Variants in ADARB2 observed in about 807,000 individuals in gnomAD.
ADARB2 encodes adenosine deaminase RNA specific B2 (inactive), also known as inactive double-stranded RNA-specific editase B2.
In ADARB2, 25 loss-of-function variants were observed where a neutral mutation model predicts 62.2. The ratio of observed to expected loss-of-function variants is 0.40; its 90% CI spans 0.29 to 0.56. ADARB2 has a LOEUF of 0.56. Ranked by LOEUF, ADARB2 falls within the 20% of genes least tolerant of loss-of-function variation. ADARB2 has a pLI of 0.43. For missense variants in ADARB2, 1,071 were observed against 1,077.4 expected (o/e 0.99, Z 0.08); for synonymous variants, 572 against 500.8 (o/e 1.14, Z -1.90).
chr10:1,541,123 C>T (rs1319572023), intron 1 of ADARB2, among the ~76,000 whole-genome samples: 3 of 87,790 alleles, frequency 3.4e-5, no homozygotes, highest in Non-Finnish European at 7.0e-5. Flanking sequence ...CCCACTCAGA[C>T]GCAGTTCAGA....
At chr10:1,206,840 T>C (rs1368987072) in intron 7 of ADARB2, among the ~76,000 whole-genome samples, 2 of 152,170 alleles carry the variant, frequency 1.3e-5, no homozygotes, top group African/African-American at 4.8e-5. Flanking sequence ...TTGCAGATGG[T>C]GCGCTTGTCA....
At chr10:1,403,538 A>G (rs1832682631) in intron 1 of ADARB2, among the ~76,000 whole-genome samples, 2 of 152,108 alleles carry the variant, frequency 1.3e-5, no homozygotes, top group South Asian at 4.1e-4. Flanking sequence ...GAATGAACCA[A>G]CTTAGGCAGC....
intron 3 of ADARB2, among the ~76,000 whole-genome samples, chr10:1,351,568 C>A (rs375872358): frequency 2.0e-5 from 3 of 152,138 alleles, no homozygotes; most frequent in African/African-American, 7.2e-5. Flanking sequence ...GCCGCCTTTT[C>A]CCCCAGTTCA....
intron 1 of ADARB2, among the ~76,000 whole-genome samples, chr10:1,599,068 A>G (rs1453603807): frequency 1.3e-5 from 2 of 152,250 alleles, no homozygotes; most frequent in Non-Finnish European, 2.9e-5. Flanking sequence ...GGAGGACTCA[A>G]AAGAAATCTT....
In ADARB2 at chr10:1,177,449, A is replaced by T. The variant is rs1836603294; in HGVS notation, c.*5744T>A. On this transcript the variant is annotated 3_prime_UTR_variant, in exon 10 of 10. Transcript: ENST00000381312. The stretch of plus-strand genomic sequence containing the variant: ...TAAGGTTTTGGATTTTTTTTTACAA[A>T]TATTACAAATGTACATCCATTGATA... The T allele has an allele frequency of 6.6e-6, 1 of 152,230 alleles. No homozygotes were observed. Among genetic ancestry groups the T allele is most frequent in the South Asian group, 2.1e-4 (1 of 4,838 alleles). The allele number at this position is 152,230 out of a possible 1,614,324, so 9.4% of individuals were successfully genotyped here.
intron 1 of ADARB2, among the ~76,000 whole-genome samples, chr10:1,621,249 C>A (rs181665889): frequency 7.2e-5 from 11 of 152,218 alleles, no homozygotes; most frequent in Non-Finnish European, 1.3e-4. Context: ...TATATTAGAA[C>A]TAGTAGGTAT....
At chr10:1,428,730 G>T (rs1181117739) in intron 1 of ADARB2, among the ~76,000 whole-genome samples, 3 of 152,138 alleles carry the variant, frequency 2.0e-5, no homozygotes, top group Non-Finnish European at 4.4e-5. Context: ...TGGGGACCTT[G>T]TGGTGACCGG....
intron 1 of ADARB2, among the ~76,000 whole-genome samples, chr10:1,462,532 T>A (rs541684651): frequency 7.2e-5 from 11 of 151,994 alleles, no homozygotes; most frequent in Admixed American, 7.2e-4. Context: ...TGTATGTGCC[T>A]GTGTGTATGT....
At chr10:1,438,421 G>A (rs1830859242) in intron 1 of ADARB2, among the ~76,000 whole-genome samples, 1 of 147,234 alleles carries the variant, frequency 6.8e-6, no homozygotes, top group Non-Finnish European at 1.5e-5. Flanking sequence ...GCAGATGGAG[G>A]CAGGCCCTTC....
chr10:1,566,517 G>A (rs1390565774), intron 1 of ADARB2, among the ~76,000 whole-genome samples: 2 of 152,134 alleles, frequency 1.3e-5, no homozygotes, highest in Non-Finnish European at 2.9e-5. Flanking sequence ...AATGGACAGC[G>A]TTTTAGTGGT....
intron 3 of ADARB2, among the ~76,000 whole-genome samples, chr10:1,323,195 T>C (rs1831810296): frequency 6.6e-6 from 1 of 151,744 alleles, no homozygotes; most frequent in Admixed American, 6.6e-5. Flanking sequence ...TTAGTTAATA[T>C]TGTCATCATC....
chr10:1,322,038 C>T lies in ADARB2; in HGVS notation c.1077+40990G>A, dbSNP rs562083793. 1.2e-3 allele frequency among the ~76,000 whole-genome samples: 189 copies of T among 152,184 alleles called. 1 individual carries two copies. Among genetic ancestry groups the T allele is most frequent in the African/African-American group, 4.3e-3 (180 of 41,502 alleles). ...TTTCCATCCTGCCTCCTCCTCCCTC[C>T]TCTGACCACCCAGCCCTGGACTCAG... On this transcript the variant is annotated intron_variant, in intron 3 of 9. Transcript: ENST00000381312.
At chr10:1,190,694 G>A (rs900044959) in intron 8 of ADARB2, among the ~76,000 whole-genome samples, 4 of 152,086 alleles carry the variant, frequency 2.6e-5, no homozygotes, top group African/African-American at 7.2e-5. Flanking sequence ...CATCCTCACC[G>A]GCTTCTCTGC....
chr10:1,626,551 C>T (rs1327929855), intron 1 of ADARB2, among the ~76,000 whole-genome samples: 2 of 152,224 alleles, frequency 1.3e-5, no homozygotes, highest in Non-Finnish European at 2.9e-5. Flanking sequence ...GTGAACTCCC[C>T]TGCACGTGTC....
chr10:1,355,513 G>A (rs1343095005), intron 3 of ADARB2, among the ~76,000 whole-genome samples: 1 of 152,238 alleles, frequency 6.6e-6, no homozygotes. Context: ...AGAATAATGT[G>A]TGACCCAGAT....
rs200691377 is a variant in ADARB2 at position 1,593,205 on chromosome 10, C to T, written c.100+143846G>A. On this transcript the variant is annotated intron_variant, in intron 1 of 9. Transcript: ENST00000381312. ...GTCCCCTCTGTCACCCAGCTCCCTT[C>T]GCCCAAGCCACCCTCCATAGGTCTC... Among the ~76,000 whole-genome samples the T allele has an allele frequency of 6.3e-3, 487 of 77,260 alleles. 74 individuals carry two copies. The highest frequency in any genetic ancestry group is 0.021 in the African/African-American group (444 of 21,410). 50.7% of individuals were successfully genotyped at this position (77,260 alleles called of 152,430 possible).
intron 1 of ADARB2, among the ~76,000 whole-genome samples, chr10:1,636,928 C>G (rs917717499): frequency 1.3e-5 from 2 of 148,158 alleles, no homozygotes; most frequent in Non-Finnish European, 3.0e-5. Flanking sequence ...TATATAATAT[C>G]TCTCTCTATA....
At chr10:1,281,612 C>A (rs942449047) in intron 3 of ADARB2, among the ~76,000 whole-genome samples, 2 of 152,232 alleles carry the variant, frequency 1.3e-5, no homozygotes, top group Admixed American at 6.5e-5. Context: ...GGCTCAGGAG[C>A]AGCACCGAGG....
At chr10:1,506,835 C>T (rs920773014) in intron 1 of ADARB2, among the ~76,000 whole-genome samples, 8 of 152,302 alleles carry the variant, frequency 5.3e-5, no homozygotes, top group African/African-American at 1.9e-4. Context: ...GGGGGTGGGG[C>T]CCGGTGATGG....
Sources: gnomAD v4.1 joint callset for allele counts (sites outside exome capture counted in the v4.1 genomes callset) on GRCh38, gnomAD v4.1.1 for gene constraint, MANE v1.5 for transcripts, NCBI Gene and HGNC (gene_info 2026-07-23, HGNC 2026-07-21) for gene names.